Variants in PIK3CB observed in about 807,000 individuals in gnomAD.
PIK3CB encodes the protein phosphatidylinositol 4,5-bisphosphate 3-kinase catalytic subunit beta isoform.
A neutral mutation model predicts 136.8 loss-of-function variants in PIK3CB; 39 were observed. The observed-to-expected ratio is 0.29, with a 90% CI of 0.22 to 0.37. PIK3CB has a LOEUF of 0.37. Ranked by LOEUF, PIK3CB falls within the 10% of genes least tolerant of loss-of-function variation. The pLI is 1.00. For missense variants in PIK3CB, 868 were observed against 1,275.4 expected (o/e 0.68, Z 4.87); for synonymous variants, 428 against 436.6 (o/e 0.98, Z 0.25).
intron 10 of PIK3CB, among the ~76,000 whole-genome samples, chr3:138,710,062 G>A (rs2044465903): frequency 6.6e-6 from 1 of 150,384 alleles, no homozygotes; most frequent in Non-Finnish European, 1.5e-5. Context: ...GGTGGCGTAT[G>A]CCTATAGTAC....
intron 1 of PIK3CB, among the ~76,000 whole-genome samples, chr3:138,822,875 AATAT>A (rs1025339679): frequency 6.8e-6 from 1 of 147,216 alleles, no homozygotes; most frequent in Non-Finnish European, 1.5e-5. Context: ...ATATATATGA[AATAT>A]ATATATGAAA....
chr3:138,685,415 A>G (rs1559813364), intron 16 of PIK3CB, among the ~76,000 whole-genome samples: 3 of 147,562 alleles, frequency 2.0e-5, no homozygotes, highest in Non-Finnish European at 3.0e-5. Context: ...AAAAAAAAAA[A>G]AAAAAAAAGA....
intron 4 of PIK3CB, among the ~76,000 whole-genome samples, chr3:138,750,540 G>A (rs2045451156): frequency 6.6e-6 from 1 of 152,196 alleles, no homozygotes; most frequent in African/African-American, 2.4e-5. Flanking sequence ...GCGAAGTTCA[G>A]GTGGTAATGC....
rs184724478 is a variant in PIK3CB, at chr3:138,655,479, A to G, written c.3123T>C (p.Phe1041=). 37 of 1,613,160 alleles carry G rather than the reference A, an allele frequency of 2.3e-5. No individual in the cohort carries two copies. The highest frequency in any genetic ancestry group is 4.5e-5 in the East Asian group (2 of 44,888). The change falls in exon 24 of 24, where the codon TTT becomes TTC. Residue 1041 remains phenylalanine (F), a synonymous_variant. Coordinates refer to ENST00000674063, the MANE Select transcript of PIK3CB (RefSeq NM_006219.3). ...TGAGCGCCTCATCAAATTTTTGCTT[A>G]AACTGTTTGAGTGCTTCTTCTTCAC... ...GKSEEEALKQ[F]KQKFDEALRE...
At chr3:138,676,694 A>C (rs928461477) in intron 19 of PIK3CB, among the ~76,000 whole-genome samples, 7 of 151,552 alleles carry the variant, frequency 4.6e-5, no homozygotes, top group African/African-American at 1.7e-4. Context: ...GGTTACTGTT[A>C]AAACATGAAT....
intron 1 of PIK3CB, among the ~76,000 whole-genome samples, chr3:138,803,806 G>A (rs925230366): frequency 1.3e-5 from 2 of 152,056 alleles, no homozygotes; most frequent in Non-Finnish European, 2.9e-5. Flanking sequence ...AAATGCTTAG[G>A]CTCTCTACCT....
chr3:138,795,504 G>A (rs1241367470), intron 2 of PIK3CB, among the ~76,000 whole-genome samples: 1 of 151,920 alleles, frequency 6.6e-6, no homozygotes, highest in Admixed American at 6.6e-5. Context: ...GGTGGCACAC[G>A]CCTGTAGTCC....
chr3:138,733,802 C>T (rs376870752), intron 7 of PIK3CB, among the ~76,000 whole-genome samples: 10 of 152,092 alleles, frequency 6.6e-5, no homozygotes, highest in South Asian at 2.1e-4. Context: ...GACATGAACC[C>T]GGGAGGCGGA....
intron 1 of PIK3CB, among the ~76,000 whole-genome samples, chr3:138,828,208 T>TG (rs1326944624): frequency 2.1e-5 from 3 of 143,700 alleles, no homozygotes; most frequent in Non-Finnish European, 3.0e-5. Flanking sequence ...TTTTTTGAGA[T>TG]GGAGTCTCGC....
rs1485588369 is a variant in PIK3CB at position 138,759,158 on chromosome 3, T to C, written c.171+15A>G. On this transcript the variant is annotated intron_variant, in intron 3 of 23. Coordinates refer to ENST00000674063, the MANE Select transcript of PIK3CB (RefSeq NM_006219.3). Reference sequence around the variant, plus strand: ...CAGTATGCTAAACACATAGAAATTATACCTATTAACATACCTGCTTAATAT... The same window carrying C: ...CAGTATGCTAAACACATAGAAATTACACCTATTAACATACCTGCTTAATAT... 1.3e-6 allele frequency: 2 copies of C among 1,541,294 alleles called. No individual in the cohort carries two copies. The highest frequency in any genetic ancestry group is 8.9e-7 in the Non-Finnish European group (1 of 1,120,422).
intron 1 of PIK3CB, among the ~76,000 whole-genome samples, chr3:138,818,928 T>G (rs1239984789): frequency 6.6e-6 from 1 of 152,176 alleles, no homozygotes; most frequent in East Asian, 1.9e-4. Flanking sequence ...ATGCTAATGG[T>G]AAATGCTCTG....
At chr3:138,808,678 G>A (rs2046260202) in intron 1 of PIK3CB, among the ~76,000 whole-genome samples, 1 of 150,452 alleles carries the variant, frequency 6.6e-6, no homozygotes, top group Non-Finnish European at 1.5e-5. Context: ...GCAAGACTCT[G>A]TCTCAAAACA....
chr3:138,745,409 G>A, intron 4 of PIK3CB, among the ~76,000 whole-genome samples: 1 of 152,266 alleles, frequency 6.6e-6, no homozygotes, highest in Middle Eastern at 3.4e-3. Flanking sequence ...AAGGTGGGGG[G>A]ATCACTTGAG....
At chr3:138,683,085 G>A (rs915724146) in intron 18 of PIK3CB, among the ~76,000 whole-genome samples, 8 of 152,152 alleles carry the variant, frequency 5.3e-5, no homozygotes, top group African/African-American at 1.9e-4. Flanking sequence ...GGGCACGGTG[G>A]CTCATGCTTG....
chr3:138,738,169 A>G (rs1390529348), intron 5 of PIK3CB, among the ~76,000 whole-genome samples: 1 of 151,922 alleles, frequency 6.6e-6, no homozygotes, highest in Non-Finnish European at 1.5e-5. Flanking sequence ...TTTCCAATGA[A>G]CATCTCATCT....
At chr3:138,745,832 G>A (rs1010350994) in intron 4 of PIK3CB, among the ~76,000 whole-genome samples, 7 of 152,148 alleles carry the variant, frequency 4.6e-5, no homozygotes, top group African/African-American at 1.7e-4. Context: ...AAACTAGTCT[G>A]CATTTGCACA....
At chr3:138,815,356 CA>C (rs56785236) in intron 1 of PIK3CB, among the ~76,000 whole-genome samples, 86 of 26,490 alleles carry the variant, frequency 3.2e-3, no homozygotes, top group African/African-American at 0.011. Context: ...CATCCTGTCT[CA>C]AAAAAAAAAA....
At chr3:138,755,721 G>T in intron 4 of PIK3CB, 33 bp downstream of exon 4, 1 of 1,042,202 alleles carries the variant, frequency 9.6e-7, no homozygotes, top group Non-Finnish European at 1.5e-6. Flanking sequence ...GATATATTAA[G>T]AATTTGTACT....
chr3:138,713,440 G>A (rs1374819275), intron 9 of PIK3CB, among the ~76,000 whole-genome samples: 1 of 152,104 alleles, frequency 6.6e-6, no homozygotes, highest in Non-Finnish European at 1.5e-5. Context: ...GGGAGGCCGA[G>A]GCGGGTGAAT....
Sources: gnomAD v4.1 joint callset for allele counts (sites outside exome capture counted in the v4.1 genomes callset) on GRCh38, gnomAD v4.1.1 for gene constraint, MANE v1.5 for transcripts, NCBI Gene and HGNC (gene_info 2026-07-23, HGNC 2026-07-21) for gene names.